CACNA2D4: variants seen among roughly 807,000 people sequenced by gnomAD.
CACNA2D4 encodes the protein voltage-dependent calcium channel subunit alpha-2/delta-4.
Under a neutral mutation model 163.8 loss-of-function variants are expected in CACNA2D4, and 157 were observed. The observed-to-expected ratio is 0.96, with a 90% CI of 0.84 to 1.09. The LOEUF is 1.09. CACNA2D4 is among the 50% of genes least tolerant of loss of function. The pLI, the probability that CACNA2D4 is intolerant of heterozygous loss-of-function variation, is 0.00. For missense variants in CACNA2D4, 1,410 were observed against 1,479.9 expected, an observed-to-expected ratio of 0.95 and a Z score of 0.78; for synonymous variants, 598 against 586.9, an observed-to-expected ratio of 1.02 and a Z score of -0.27.
intron 29 of CACNA2D4, among the ~76,000 whole-genome samples, chr12:1,803,268 A>G (rs1863399680): frequency 6.6e-6 from 1 of 152,238 alleles, no homozygotes; most frequent in Non-Finnish European, 1.5e-5. Flanking sequence ...GCTAGGCAGA[A>G]CGCACAACTC....
intron 26 of CACNA2D4, among the ~76,000 whole-genome samples, chr12:1,815,508 G>T (rs1253681179): frequency 2.7e-5 from 4 of 150,914 alleles, no homozygotes; most frequent in Non-Finnish European, 5.9e-5. Context: ...TTTTCTAAGT[G>T]ACATGATTTG....
intron 26 of CACNA2D4, among the ~76,000 whole-genome samples, chr12:1,819,316 G>A (rs1864001741): frequency 6.6e-6 from 1 of 152,110 alleles, no homozygotes; most frequent in Non-Finnish European, 1.5e-5. Flanking sequence ...GGTCAGAGGC[G>A]GGACTCCCCA....
chr12:1,849,493 G>A (rs1423484328), intron 23 of CACNA2D4, among the ~76,000 whole-genome samples: 1 of 152,176 alleles, frequency 6.6e-6, no homozygotes, highest in Non-Finnish European at 1.5e-5. Context: ...ATTCCCGTAT[G>A]TTCGATTATT....
intron 18 of CACNA2D4, among the ~76,000 whole-genome samples, chr12:1,862,636 C>A (rs1865549330): frequency 6.6e-6 from 1 of 152,152 alleles, no homozygotes; most frequent in South Asian, 2.1e-4. Context: ...TGGTCTTGAA[C>A]TCCTGGCCTC....
intron 23 of CACNA2D4, among the ~76,000 whole-genome samples, chr12:1,851,566 T>C (rs1865279361): frequency 6.6e-6 from 1 of 152,004 alleles, no homozygotes; most frequent in Non-Finnish European, 1.5e-5. Context: ...GCCAATACCA[T>C]ACTTTATAAA....
At position 1,811,833 on chromosome 12, in the gene CACNA2D4, G is replaced by A. The variant is rs924548525; in HGVS notation, c.2552-110C>T. On this transcript the variant is annotated intron_variant, in intron 26 of 37. Transcript: ENST00000382722. ...TCCGCAGGAACTGAGGAGAGAGACC[G>A]CAGCGGATGGGAGGACTGAGTCAGA... 4.7e-5 allele frequency: 50 copies of A among 1,073,896 alleles called. No individual in the cohort carries two copies. The East Asian group carries it at 1.0e-3, about 22-fold the overall frequency. 66.5% of individuals were successfully genotyped at this position (1,073,896 alleles called of 1,614,324 possible). A position where few individuals can be genotyped will look rare whatever the true frequency, so the allele number is the denominator to read the frequency against.
At chr12:1,830,685 G>A (rs1864581730) in intron 26 of CACNA2D4, among the ~76,000 whole-genome samples, 1 of 152,204 alleles carries the variant, frequency 6.6e-6, no homozygotes, top group Non-Finnish European at 1.5e-5. Flanking sequence ...CCACTCAAGT[G>A]ATTCCTCTGC....
At chr12:1,813,455 A>T (rs1355907754) in intron 26 of CACNA2D4, among the ~76,000 whole-genome samples, 2 of 152,250 alleles carry the variant, frequency 1.3e-5, no homozygotes, top group Non-Finnish European at 2.9e-5. Flanking sequence ...GGTAGCCAAC[A>T]GCCACACGTG....
chr12:1,864,414 C>A (rs1338493254), intron 18 of CACNA2D4, among the ~76,000 whole-genome samples: 2 of 152,246 alleles, frequency 1.3e-5, no homozygotes, highest in East Asian at 1.9e-4. Context: ...TTAACACCGT[C>A]ATTTCCATAG....
At chr12:1,877,891 A>G (rs1865914231) in intron 16 of CACNA2D4, among the ~76,000 whole-genome samples, 1 of 152,196 alleles carries the variant, frequency 6.6e-6, no homozygotes, top group South Asian at 2.1e-4. Context: ...CACAGTGAAG[A>G]GGGCTGGGAG....
intron 4 of CACNA2D4, among the ~76,000 whole-genome samples, chr12:1,908,890 G>A (rs1380570877): frequency 1.3e-5 from 2 of 150,922 alleles, no homozygotes; most frequent in Non-Finnish European, 3.0e-5. Context: ...ACTGCGTCAC[G>A]GACATCCCCA....
chr12:1,823,093 C>T (rs1419189151), intron 26 of CACNA2D4: 1 of 152,396 alleles, frequency 6.6e-6, no homozygotes, highest in Non-Finnish European at 1.5e-5. Context: ...GGGGTATGGA[C>T]TCTTGACCAA....
At chr12:1,885,870 G>A in intron 9 of CACNA2D4, 95 bp downstream of exon 9, 1 of 905,394 alleles carries the variant, frequency 1.1e-6, no homozygotes, top group Non-Finnish European at 1.7e-6. Flanking sequence ...ATGGGAATAA[G>A]CAAAAAGGGC....
At chr12:1,824,320 C>T (rs1196217851) in intron 26 of CACNA2D4, among the ~76,000 whole-genome samples, 2 of 152,202 alleles carry the variant, frequency 1.3e-5, no homozygotes, top group Non-Finnish European at 1.5e-5. Context: ...CTGAGACTAC[C>T]TTCCTACAAG....
At chr12:1,819,059 A>T (rs981419732) in intron 26 of CACNA2D4, among the ~76,000 whole-genome samples, 1 of 151,842 alleles carries the variant, frequency 6.6e-6, no homozygotes, top group African/African-American at 2.4e-5. Context: ...CCTGCACAAC[A>T]TGAGGGTGGC....
At chr12:1,797,686 G>C in intron 34 of CACNA2D4, 151 bp from the exon 35 acceptor site, 1 of 696,602 alleles carries the variant, frequency 1.4e-6, no homozygotes, top group Admixed American at 2.2e-5. Flanking sequence ...GAGGAGCCGG[G>C]CGGGGGGTGA....
chr12:1,881,021 C>A (rs927178307), intron 13 of CACNA2D4, among the ~76,000 whole-genome samples: 6 of 152,176 alleles, frequency 3.9e-5, no homozygotes, highest in African/African-American at 1.4e-4. Flanking sequence ...AGGGCGGACA[C>A]CTGCCCTGGG....
intron 6 of CACNA2D4, among the ~76,000 whole-genome samples, chr12:1,903,631 T>C (rs1175001353): frequency 1.3e-5 from 2 of 152,124 alleles, no homozygotes; most frequent in Admixed American, 1.3e-4. Context: ...CTCAACATCA[T>C]TGATTATCAG....
At chr12:1,814,814 G>C (rs1863824482) in intron 26 of CACNA2D4, among the ~76,000 whole-genome samples, 2 of 152,130 alleles carry the variant, frequency 1.3e-5, no homozygotes. Context: ...TCTCCACATA[G>C]AGTGGATCTT....
Sources: gnomAD v4.1 joint callset for allele counts (sites outside exome capture counted in the v4.1 genomes callset) on GRCh38, gnomAD v4.1.1 for gene constraint, MANE v1.5 for transcripts, NCBI Gene and HGNC (gene_info 2026-07-23, HGNC 2026-07-21) for gene names.